The following WDR49 variants were observed in gnomAD, a reference collection of about 807,000 sequenced individuals.
WDR49 encodes the protein WD repeat domain 49.
WDR49 carries 107 observed loss-of-function variants against 119.5 expected under a neutral mutation model. That is an observed-to-expected ratio of 0.90 (90% confidence interval 0.77 to 1.05). The LOEUF (loss-of-function observed/expected upper bound fraction) is 1.05, where lower values mean the gene tolerates loss of function less well. WDR49 is among the 50% of genes least tolerant of loss of function. The pLI, the probability that WDR49 is intolerant of heterozygous loss-of-function variation, is 0.00. For missense variants in WDR49, 1,240 were observed against 1,220.5 expected (o/e 1.02, Z -0.24); for synonymous variants, 425 against 418.8 (o/e 1.01, Z -0.18).
At chr3:167,594,299 T>C (rs1328389239) in intron 7 of WDR49, among the ~76,000 whole-genome samples, 3 of 152,298 alleles carry the variant, frequency 2.0e-5, no homozygotes, top group East Asian at 3.9e-4. Flanking sequence ...CATAGTGATA[T>C]GGGCAATGAA....
rs145718692 is a variant in WDR49, at chr3:167,520,842, T to C, written c.2774+1473A>G. Among the ~76,000 whole-genome samples, 338 of 152,184 alleles carry C rather than the reference T, an allele frequency of 2.2e-3. 2 individuals carry two copies. The highest frequency in any genetic ancestry group is 7.9e-3 in the African/African-American group (326 of 41,524). ...ACTTAAGCCAACCATCACTTTAAGA[T>C]ATAAACAAAGGATGCGGAAACTATA... On this transcript the variant is annotated intron_variant, in intron 16 of 18. Coordinates refer to ENST00000682715, the MANE Select transcript of WDR49 (RefSeq NM_001366157.1).
At chr3:167,619,833 T>C (rs1716781874) in intron 5 of WDR49, among the ~76,000 whole-genome samples, 3 of 152,150 alleles carry the variant, frequency 2.0e-5, no homozygotes, top group African/African-American at 7.2e-5. Flanking sequence ...TAAGATATTT[T>C]ATGAAACTAA....
intron 18 of WDR49, among the ~76,000 whole-genome samples, chr3:167,483,707 C>T (rs1750812016): frequency 6.6e-6 from 1 of 152,082 alleles, no homozygotes; most frequent in Non-Finnish European, 1.5e-5. Flanking sequence ...CTCCTGAGAT[C>T]TCTTTTTAAA....
chr3:167,516,972 A>G (rs1252843026), intron 16 of WDR49, among the ~76,000 whole-genome samples: 1 of 152,186 alleles, frequency 6.6e-6, no homozygotes, highest in Non-Finnish European at 1.5e-5. Flanking sequence ...AAAAATGCTC[A>G]TCATCACTGG....
chr3:167,500,948 C>T (rs1396584966), intron 17 of WDR49, among the ~76,000 whole-genome samples: 1 of 152,130 alleles, frequency 6.6e-6, no homozygotes, highest in African/African-American at 2.4e-5. Flanking sequence ...ACGATGGTGA[C>T]TCAGTACCTA....
rs7639351 is a variant in WDR49 at position 167,483,057 on chromosome 3, A to G, written c.3032-4061T>C. ...GAGAAGGAGAAAACAAGTTCATTCT[A>G]TCATTACTGAGCATACATCTAATAG... On this transcript the variant is annotated intron_variant, in intron 18 of 18. Coordinates refer to ENST00000682715, the MANE Select transcript of WDR49 (RefSeq NM_001366157.1). 4.4e-3 allele frequency among the ~76,000 whole-genome samples: 666 copies of G among 152,350 alleles called. 7 individuals are homozygous for G. The highest frequency in any genetic ancestry group is 0.017 in the Middle Eastern group (5 of 294).
At position 167,529,155 on chromosome 3, in the gene WDR49, A is replaced by T. The variant is rs1752750102; in HGVS notation, c.2303T>A (p.Leu768Ter). The T allele has an allele frequency of 6.2e-7, 1 of 1,611,928 alleles. No individual in the cohort carries two copies. The highest frequency in any genetic ancestry group is 8.5e-7 in the Non-Finnish European group (1 of 1,179,154). Reference protein sequence around the residue: ...IYKKQLLAEFLAHSGVGSIIM... With the variant: ...IYKKQLLAEF The stretch of plus-strand genomic sequence containing the variant: ...AATCGATCCAACTCCACTATGAGCC[A>T]AAAATTCAGCCAGAAGTTGCTTCTT... Residue 768 changes from leucine (L) to a stop codon, truncating the protein, a stop_gained, in exon 14 of 19, where the codon TTG becomes TAG. Transcript: ENST00000682715. LOFTEE classifies it high-confidence loss of function.
At chr3:167,657,716 C>T (rs1718637673), upstream of WDR49, among the ~76,000 whole-genome samples, 1 of 152,220 alleles carries the variant, frequency 6.6e-6, no homozygotes, top group Non-Finnish European at 1.5e-5. Flanking sequence ...AACCTCATTT[C>T]CGGCCCAGCC....
intron 2 of WDR49, among the ~76,000 whole-genome samples, chr3:167,634,029 A>C (rs1349551435): frequency 6.6e-6 from 1 of 151,964 alleles, no homozygotes; most frequent in African/African-American, 2.4e-5. Context: ...TCTCATTTTC[A>C]TTTCCTTCAA....
intron 8 of WDR49, among the ~76,000 whole-genome samples, chr3:167,569,751 T>C (rs1476623336): frequency 6.6e-6 from 1 of 151,980 alleles, no homozygotes; most frequent in Non-Finnish European, 1.5e-5. Context: ...GGATCAACTG[T>C]CTATATAAAG....
intron 18 of WDR49, among the ~76,000 whole-genome samples, chr3:167,481,876 A>G (rs572993738): frequency 6.6e-6 from 1 of 152,324 alleles, no homozygotes; most frequent in Admixed American, 6.5e-5. Context: ...AGCACATGGG[A>G]ATTCTGGGAG....
intron 8 of WDR49, among the ~76,000 whole-genome samples, chr3:167,564,949 G>A (rs1390719707): frequency 6.6e-6 from 1 of 151,642 alleles, no homozygotes; most frequent in Non-Finnish European, 1.5e-5. Flanking sequence ...CAAATGCCAC[G>A]AGCTAACAGA....
chr3:167,559,195 T>G (rs1713118069), intron 9 of WDR49, among the ~76,000 whole-genome samples: 1 of 152,144 alleles, frequency 6.6e-6, no homozygotes, highest in Non-Finnish European at 1.5e-5. Flanking sequence ...CATATCCAGG[T>G]AGCTTTCCAT....
At chr3:167,516,954 A>T (rs1752235117) in intron 16 of WDR49, among the ~76,000 whole-genome samples, 1 of 152,184 alleles carries the variant, frequency 6.6e-6, no homozygotes, top group Admixed American at 6.5e-5. Context: ...CAGCCAAAAG[A>T]CACATGAAAA....
intron 16 of WDR49, among the ~76,000 whole-genome samples, chr3:167,520,352 C>T (rs1261165520): frequency 6.6e-6 from 1 of 152,078 alleles, no homozygotes; most frequent in Non-Finnish European, 1.5e-5. Flanking sequence ...TGCCTTCACT[C>T]TGCTATGCAT....
chr3:167,489,933 A>C (rs1333491172), intron 18 of WDR49, among the ~76,000 whole-genome samples: 1 of 152,118 alleles, frequency 6.6e-6, no homozygotes, highest in African/African-American at 2.4e-5. Flanking sequence ...AATCACCTGG[A>C]GTTCTCATTA....
intron 5 of WDR49, among the ~76,000 whole-genome samples, chr3:167,612,294 G>C (rs7645428): frequency 0.023 from 3,460 of 151,628 alleles, 120 homozygotes; most frequent in African/African-American, 0.076. Context: ...AATGATAATA[G>C]AAAAACTACA....
chr3:167,504,292 T>C (rs1485491351), intron 17 of WDR49, among the ~76,000 whole-genome samples: 1 of 152,190 alleles, frequency 6.6e-6, no homozygotes, highest in Non-Finnish European at 1.5e-5. Context: ...GGCTGTACCC[T>C]GCAGAGACAC....
intron 7 of WDR49, among the ~76,000 whole-genome samples, chr3:167,584,972 CT>C (rs1386828565): frequency 6.6e-6 from 1 of 151,756 alleles, no homozygotes; most frequent in African/African-American, 2.4e-5. Flanking sequence ...ATTATCTTTT[CT>C]TTGTTATATG....
Sources: gnomAD v4.1 joint callset for allele counts (sites outside exome capture counted in the v4.1 genomes callset) on GRCh38, gnomAD v4.1.1 for gene constraint, MANE v1.5 for transcripts, NCBI Gene and HGNC (gene_info 2026-07-23, HGNC 2026-07-21) for gene names.